The following INPP4A variants were observed in gnomAD, a reference collection of about 807,000 sequenced individuals.
The protein encoded by INPP4A is inositol polyphosphate-4-phosphatase type I A.
A neutral mutation model predicts 119.8 loss-of-function variants in INPP4A; 33 were observed. The observed-to-expected ratio is 0.28, with a 90% CI of 0.21 to 0.37. The LOEUF (loss-of-function observed/expected upper bound fraction) is 0.37. Ranked by LOEUF, INPP4A falls within the 10% of genes least tolerant of loss-of-function variation. The pLI is 1.00. For missense variants in INPP4A, 956 were observed against 1,289.9 expected (o/e 0.74, Z 3.97); for synonymous variants, 496 against 500.7 (o/e 0.99, Z 0.12).
At chr2:98,585,462 C>G (rs140703591) in intron 24 of INPP4A, among the ~76,000 whole-genome samples, 21 of 152,326 alleles carry the variant, frequency 1.4e-4, no homozygotes, top group African/African-American at 4.1e-4. Flanking sequence ...CTAAGACCAC[C>G]TCAACATGTA....
At chr2:98,456,040 C>T (rs376706126) in intron 1 of INPP4A, among the ~76,000 whole-genome samples, 1 of 152,284 alleles carries the variant, frequency 6.6e-6, no homozygotes, top group East Asian at 1.9e-4. Flanking sequence ...TAAGTCCAGC[C>T]CTTGTCATTT....
At chr2:98,519,755 G>T (rs1260533368) in intron 2 of INPP4A, 191 bp from the exon 3 acceptor site, 6 of 415,126 alleles carry the variant, frequency 1.4e-5, no homozygotes, top group Non-Finnish European at 2.6e-5. Context: ...TGGACACCCT[G>T]TGTTGGGGAG....
chr2:98,554,569 T>G lies in INPP4A; in HGVS notation c.1566+80T>G. 1 of 1,268,022 alleles carries G rather than the reference T, an allele frequency of 7.9e-7. No homozygotes were observed. The highest frequency in any genetic ancestry group is 1.4e-5 in the South Asian group (1 of 70,910). 78.5% of individuals were successfully genotyped at this position (1,268,022 alleles called of 1,614,324 possible). ...AAAACCTGTTGCCAGTCTCTGCCCC[T>G]CTGAAGTGCCTCAAGGTTCAACTGC... On this transcript the variant is annotated intron_variant, in intron 15 of 24. Transcript: ENST00000409851. The surrounding 1 kb of genome is among the most constrained non-coding windows in gnomAD (Gnocchi z 4.7).
At chr2:98,483,668 G>A (rs562749068) in intron 1 of INPP4A, among the ~76,000 whole-genome samples, 42 of 152,288 alleles carry the variant, frequency 2.8e-4, no homozygotes, top group Middle Eastern at 3.4e-3. Context: ...CTCATCATTA[G>A]TATTACTTCT....
At chr2:98,534,374 G>A (rs1559023853) in intron 5 of INPP4A, among the ~76,000 whole-genome samples, 1 of 152,212 alleles carries the variant, frequency 6.6e-6, no homozygotes, top group Non-Finnish European at 1.5e-5. Context: ...ATTGGAGTAG[G>A]AAGGTAAGGA....
At chr2:98,491,430 T>C (rs1558936954) in intron 1 of INPP4A, among the ~76,000 whole-genome samples, 1 of 152,148 alleles carries the variant, frequency 6.6e-6, no homozygotes, top group Non-Finnish European at 1.5e-5. Flanking sequence ...TTACTCATGC[T>C]CTCGTCTGGA....
At chr2:98,548,884 A>AT in intron 13 of INPP4A, 1 of 1,456,302 alleles carries the variant, frequency 6.9e-7, no homozygotes, top group Non-Finnish European at 9.4e-7. Context: ...TGGCTTTTTA[A>AT]TTTTTTGTTT....
At chr2:98,479,049 G>A (rs1315613919) in intron 1 of INPP4A, among the ~76,000 whole-genome samples, 2 of 152,034 alleles carry the variant, frequency 1.3e-5, no homozygotes, top group South Asian at 2.1e-4. Context: ...TTCATAGGTC[G>A]GGCACTTCCT....
intron 1 of INPP4A, among the ~76,000 whole-genome samples, chr2:98,475,958 G>A (rs1677120545): frequency 1.3e-5 from 2 of 152,190 alleles, no homozygotes; most frequent in South Asian, 2.1e-4. Flanking sequence ...ATCTACAAAT[G>A]TTTAATCCAC....
intron 21 of INPP4A, 126 bp from the exon 22 acceptor site, chr2:98,568,445 G>T: frequency 1.6e-6 from 1 of 628,322 alleles, no homozygotes; most frequent in Non-Finnish European, 2.9e-6. Context: ...AGGGAGAGTG[G>T]CTTAGAATTT....
Position 98,566,251 on chromosome 2 carries a change from C to T in INPP4A, c.2420+82C>T. ...AAACGTACTTACCCCTCTTCAGGCTCTAAGTGCTGGACAGACTTTGTCATC... is the reference window on the plus strand; with the variant it reads ...AAACGTACTTACCCCTCTTCAGGCTTTAAGTGCTGGACAGACTTTGTCATC... On this transcript the variant is annotated intron_variant, in intron 21 of 24. Coordinates refer to ENST00000409851, the MANE Select transcript of INPP4A (RefSeq NM_001134225.2). The surrounding 1 kb of genome is among the most constrained non-coding windows in gnomAD (Gnocchi z 4.2). 1 of 1,384,490 alleles carries T rather than the reference C, an allele frequency of 7.2e-7. No individual in the cohort carries two copies. The highest frequency in any genetic ancestry group is 1.5e-5 in the South Asian group (1 of 66,256). The allele number at this position is 1,384,490 out of a possible 1,614,324, so 85.8% of individuals were successfully genotyped here.
intron 1 of INPP4A, among the ~76,000 whole-genome samples, chr2:98,457,874 C>A (rs750324844): frequency 6.6e-6 from 1 of 151,978 alleles, no homozygotes; most frequent in African/African-American, 2.4e-5. Context: ...AGCCATAGCT[C>A]GCTGCAGCCT....
At chr2:98,477,350 T>G (rs1422893089) in intron 1 of INPP4A, among the ~76,000 whole-genome samples, 2 of 152,232 alleles carry the variant, frequency 1.3e-5, no homozygotes, top group Admixed American at 1.3e-4. Context: ...AATGGTGTGG[T>G]GGTACAGCTT....
intron 11 of INPP4A, 42 bp from the exon 12 acceptor site, chr2:98,545,927 T>A (rs566023571): frequency 2.3e-5 from 32 of 1,392,374 alleles, no homozygotes; most frequent in South Asian, 2.2e-4. Flanking sequence ...GAATGCAGCA[T>A]GTATGCTGAT....
At chr2:98,473,179 A>C (rs1676442489) in intron 1 of INPP4A, among the ~76,000 whole-genome samples, 1 of 144,918 alleles carries the variant, frequency 6.9e-6, no homozygotes, top group Non-Finnish European at 1.5e-5. Flanking sequence ...GAGAGTGAGG[A>C]GGGCAGTGTG....
chr2:98,515,011 G>C (rs1685838355), intron 1 of INPP4A, among the ~76,000 whole-genome samples: 1 of 152,122 alleles, frequency 6.6e-6, no homozygotes, highest in African/African-American at 2.4e-5. Flanking sequence ...GGTTCCCGGA[G>C]AGTGGCACAT....
At chr2:98,459,192 C>T (rs954898485) in intron 1 of INPP4A, among the ~76,000 whole-genome samples, 1 of 152,070 alleles carries the variant, frequency 6.6e-6, no homozygotes, top group South Asian at 2.1e-4. Context: ...ACTGAGTAGA[C>T]CTCGGCCAGG....
intron 21 of INPP4A, among the ~76,000 whole-genome samples, chr2:98,567,681 C>T (rs1238646636): frequency 1.3e-5 from 2 of 152,192 alleles, no homozygotes; most frequent in Non-Finnish European, 1.5e-5. Flanking sequence ...AGGTTCTTGA[C>T]TTTGTTTCTT....
rs200386856 is a variant in INPP4A, at chr2:98,538,926, G to C, written c.615G>C (p.Ala205=). The C allele has an allele frequency of 1.6e-5, 25 of 1,611,522 alleles. No individual in the cohort carries two copies. The Admixed American group carries it at 3.8e-4, about 25-fold the overall frequency. The change falls in exon 9 of 25, where the codon GCG becomes GCC. Residue 205 remains alanine (A), a synonymous_variant. Coordinates refer to ENST00000409851, the MANE Select transcript of INPP4A (RefSeq NM_001134225.2). ...CTGTCGATGAGAGCTTGACGGAGGC[G>C]TTAGGAATCCGATCCAAATACGCTT... The part of the protein sequence containing the change: ...VLPVDESLTE[A]LGIRSKYASL...
Sources: allele counts gnomAD v4.1 joint callset (sites outside exome capture counted in the v4.1 genomes callset), GRCh38; gene constraint gnomAD v4.1.1; non-coding constraint Gnocchi (gnomAD v3.1); transcripts MANE v1.5; gene names NCBI Gene and HGNC (gene_info 2026-07-23, HGNC 2026-07-21).